Variants in STRN3 observed in about 807,000 individuals in gnomAD.
The protein encoded by STRN3 is striatin-3.
A neutral mutation model predicts 95.6 loss-of-function variants in STRN3; 29 were observed. The ratio of observed to expected loss-of-function variants is 0.30; its 90% CI spans 0.23 to 0.41. The LOEUF (loss-of-function observed/expected upper bound fraction) is 0.41. Among genes scored for constraint, STRN3 ranks in the 10% least tolerant of loss-of-function variants. The pLI is 1.00. For synonymous variants in STRN3, 331 were observed against 357.6 expected (o/e 0.93, Z 0.84); for missense variants, 890 against 972.1 (o/e 0.92, Z 1.12).
chr14:30,993,846 ATTTTTGTG>A (rs1263120137), intron 1 of STRN3, among the ~76,000 whole-genome samples: 1 of 149,868 alleles, frequency 6.7e-6, no homozygotes, highest in Admixed American at 6.6e-5. Flanking sequence ...CACCCAGCTA[ATTTTTGTG>A]TTTTTAGTAG....
intron 1 of STRN3, among the ~76,000 whole-genome samples, chr14:30,981,881 A>G (rs9671302): frequency 1 from 152,030 of 152,208 alleles, 75,927 homozygotes; most frequent in Middle Eastern, 1. Context: ...GATCACTTGC[A>G]GTCAGGAGTT....
rs185895735 is a variant in STRN3 at position 31,002,141 on chromosome 14, G to A, written c.282+23763C>T. 2.0e-3 allele frequency among the ~76,000 whole-genome samples: 250 copies of A among 124,320 alleles called. 1 individual carries two copies. Among genetic ancestry groups the A allele is most frequent in the African/African-American group, 7.2e-3 (239 of 32,976 alleles). 81.6% of individuals were successfully genotyped at this position (124,320 alleles called of 152,430 possible). On this transcript the variant is annotated intron_variant, in intron 1 of 17. Coordinates refer to ENST00000357479, the MANE Select transcript of STRN3 (RefSeq NM_001083893.2). ...AGATCATGACATTGCACTCCAGCCT[G>A]GGCAACAAGAGTGAAATTCCATCTC...
At chr14:30,945,448 T>C (rs1374237979) in intron 5 of STRN3, among the ~76,000 whole-genome samples, 2 of 151,976 alleles carry the variant, frequency 1.3e-5, no homozygotes, top group African/African-American at 2.4e-5. Flanking sequence ...ATCCTGTCTC[T>C]ACAAAAATTA....
chr14:30,962,685 C>G (rs999810106), intron 1 of STRN3, among the ~76,000 whole-genome samples: 1 of 152,088 alleles, frequency 6.6e-6, no homozygotes, highest in African/African-American at 2.4e-5. Context: ...CAAGCACCTA[C>G]TACTATGACT....
intron 1 of STRN3, among the ~76,000 whole-genome samples, chr14:31,018,029 G>T (rs1255257870): frequency 6.7e-6 from 1 of 149,402 alleles, no homozygotes; most frequent in East Asian, 2.0e-4. Flanking sequence ...AGTGAGCCGG[G>T]ATTGCGCCCA....
intron 8 of STRN3, among the ~76,000 whole-genome samples, chr14:30,926,789 T>C (rs909643950): frequency 6.6e-6 from 1 of 152,230 alleles, no homozygotes; most frequent in East Asian, 1.9e-4. Flanking sequence ...TAAGATGTTA[T>C]TGAGACATGA....
chr14:31,003,740 T>A (rs1281974831), intron 1 of STRN3, among the ~76,000 whole-genome samples: 1 of 146,982 alleles, frequency 6.8e-6, no homozygotes, highest in Non-Finnish European at 1.5e-5. Context: ...CAGCCTGAAG[T>A]GTTCCTTATA....
At chr14:30,932,910 T>A (rs1016505770) in intron 7 of STRN3, among the ~76,000 whole-genome samples, 5 of 152,214 alleles carry the variant, frequency 3.3e-5, no homozygotes, top group Admixed American at 2.0e-4. Context: ...GAAAATAAGC[T>A]AAATGTGCAT....
At chr14:30,911,260 A>G (rs1419662815) in intron 12 of STRN3, 98 bp from the exon 13 acceptor site, 1 of 1,363,828 alleles carries the variant, frequency 7.3e-7, no homozygotes, top group Non-Finnish European at 9.8e-7. Flanking sequence ...AATATCTAAA[A>G]ACTGTTTTAA....
At chr14:31,000,359 CACA>C (rs764651573) in intron 1 of STRN3, among the ~76,000 whole-genome samples, 67 of 151,662 alleles carry the variant, frequency 4.4e-4, no homozygotes, top group Admixed American at 1.2e-3. Flanking sequence ...TAACTTGTAG[CACA>C]ACAACTGCAC....
intron 1 of STRN3, among the ~76,000 whole-genome samples, chr14:30,984,440 GAGA>G (rs1190343423): frequency 6.6e-6 from 1 of 151,630 alleles, no homozygotes; most frequent in Non-Finnish European, 1.5e-5. Flanking sequence ...ACCTAATTTT[GAGA>G]AGGATGGCTT....
chr14:30,931,907 G>C (rs925042865), intron 7 of STRN3: 14 of 152,186 alleles, frequency 9.2e-5, no homozygotes, highest in Admixed American at 3.9e-4. Context: ...ATGTGAGTAA[G>C]GACTAGAGTA....
chr14:30,988,251 A>G (rs1881790836), intron 1 of STRN3, among the ~76,000 whole-genome samples: 1 of 152,228 alleles, frequency 6.6e-6, no homozygotes, highest in Non-Finnish European at 1.5e-5. Flanking sequence ...TGACACGAGC[A>G]GCACTTTGGC....
intron 1 of STRN3, among the ~76,000 whole-genome samples, chr14:30,967,783 TG>T (rs1880607502): frequency 6.6e-6 from 1 of 152,264 alleles, no homozygotes; most frequent in Non-Finnish European, 1.5e-5. Context: ...TAGAAAAAGA[TG>T]ATTTATCATT....
At chr14:30,908,030 C>T (rs1447604779) in intron 13 of STRN3, among the ~76,000 whole-genome samples, 1 of 152,104 alleles carries the variant, frequency 6.6e-6, no homozygotes, top group Non-Finnish European at 1.5e-5. Context: ...CTTCTTGCTG[C>T]GTAATATATA....
At chr14:30,981,606 A>ACACACC (rs1491272307) in intron 1 of STRN3, among the ~76,000 whole-genome samples, 4 of 148,482 alleles carry the variant, frequency 2.7e-5, no homozygotes, top group Admixed American at 2.0e-4. Context: ...ACACACACAC[A>ACACACC]CCCCATAATT....
chr14:30,936,523 T>C lies in STRN3; in HGVS notation c.818A>G (p.Lys273Arg). Residue 273 changes from lysine (K) to arginine (R), a missense_variant, in exon 6 of 18, where the codon AAA becomes AGA. Transcript: ENST00000357479. Reference protein sequence around the residue: ...NDMIEGIPEGKDKHRMNKHKI... With the variant: ...NDMIEGIPEGRDKHRMNKHKI... ...ATGTTTATTCATCCGATGTTTGTCT[T>C]TTCCTTCTGGGATGCCTTCGATCAT... is the stretch of plus-strand genomic sequence containing the variant. 1 of 1,613,528 alleles carries C rather than the reference T, an allele frequency of 6.2e-7. No homozygotes were observed. Among genetic ancestry groups the C allele is most frequent in the South Asian group, 1.1e-5 (1 of 90,918 alleles).
intron 14 of STRN3, 49 bp downstream of exon 14, chr14:30,906,828 C>T: frequency 6.4e-7 from 1 of 1,557,416 alleles, no homozygotes; most frequent in Middle Eastern, 1.8e-4. Flanking sequence ...TTATATATTC[C>T]AATTTTTTAA....
At chr14:31,009,422 C>T (rs1423047663) in intron 1 of STRN3, among the ~76,000 whole-genome samples, 2 of 152,056 alleles carry the variant, frequency 1.3e-5, no homozygotes, top group Non-Finnish European at 2.9e-5. Context: ...AATGTGATAA[C>T]CAAAAATGTC....
Sources: gnomAD v4.1 joint callset for allele counts (sites outside exome capture counted in the v4.1 genomes callset) on GRCh38, gnomAD v4.1.1 for gene constraint, MANE v1.5 for transcripts, NCBI Gene and HGNC (gene_info 2026-07-23, HGNC 2026-07-21) for gene names.